The following DGKQ variants were observed in gnomAD, a reference collection of about 807,000 sequenced individuals.
The protein encoded by DGKQ is DAG kinase theta.
In DGKQ, 97 loss-of-function variants were observed where a neutral mutation model predicts 104.2. The observed-to-expected ratio is 0.93, with a 90% CI of 0.79 to 1.10. The LOEUF (loss-of-function observed/expected upper bound fraction) is 1.10. Ranked by LOEUF, DGKQ falls within the 50% of genes least tolerant of loss-of-function variation. DGKQ has a pLI of 0.00. For synonymous variants in DGKQ, 736 were observed against 595.2 expected (o/e 1.24, Z -3.44); for missense variants, 1,465 against 1,352.1 (o/e 1.08, Z -1.31).
intron 2 of DGKQ, among the ~76,000 whole-genome samples, 169 bp downstream of exon 2, chr4:970,824 C>T (rs1232492317): frequency 6.6e-6 from 1 of 152,216 alleles, no homozygotes; most frequent in Non-Finnish European, 1.5e-5. Context: ...TCATTCCCTG[C>T]AGATCCATGC....
In DGKQ at chr4:967,009, C is replaced by T. The variant is rs189883121; in HGVS notation, c.1266G>A (p.Thr422=). ...GGACCTCCAGCACCACAGAGCGGGC[C>T]GTGCTCTTCGGGGTCACTCGCACGG... The part of the protein sequence containing the change: ...YVSVRVTPKS[T]ARSVVLEVLP... Residue 422 remains threonine, a synonymous_variant, in exon 10 of 23, where the codon ACG becomes ACA. Coordinates refer to ENST00000273814, the MANE Select transcript of DGKQ (RefSeq NM_001347.4). 304 of 1,564,936 alleles carry T rather than the reference C, an allele frequency of 1.9e-4. 2 individuals are homozygous for T. In the East Asian group the frequency reaches 5.7e-3, roughly 29 times the overall value.
At position 966,733 on chromosome 4, in the gene DGKQ, G is replaced by T; in HGVS notation, c.1366+15C>A. ...GTGCAGGGACCGCCACGCCCAGCAC[G>T]GGCTGTCTACTCACCGTGCCTGCAG... On this transcript the variant is annotated intron_variant, in intron 11 of 22. Transcript: ENST00000273814. 1 of 1,603,824 alleles carries T rather than the reference G, an allele frequency of 6.2e-7. No individual in the cohort carries two copies. The highest frequency in any genetic ancestry group is 8.5e-7 in the Non-Finnish European group (1 of 1,175,676).
chr4:968,488 G>C lies in DGKQ; in HGVS notation c.528C>G (p.His176Gln). The C allele has an allele frequency of 6.2e-7, 1 of 1,606,426 alleles. No homozygotes were observed. The highest frequency in any genetic ancestry group is 8.5e-7 in the Non-Finnish European group (1 of 1,177,084). Residue 176 changes from histidine (H) to glutamine (Q), a missense_variant, in exon 4 of 23, where the codon CAC becomes CAG. Transcript: ENST00000273814. The stretch of plus-strand genomic sequence containing the variant: ...GGGCCGGTACACTCACGTGATCCTG[G>C]TGCCCATCCTGGTGGCACTGGCGGC... ...SDCRQCHQDG[H>Q]QDHDTHHHHW...
At chr4:969,404 A>G (rs768449236) in intron 2 of DGKQ, among the ~76,000 whole-genome samples, 2 of 152,334 alleles carry the variant, frequency 1.3e-5, no homozygotes, top group African/African-American at 4.8e-5. Flanking sequence ...ACGAGTGTGG[A>G]CCAATGTTTC....
intron 1 of DGKQ, among the ~76,000 whole-genome samples, chr4:972,998 A>T (rs1470156104): frequency 6.6e-6 from 1 of 152,050 alleles, no homozygotes; most frequent in Non-Finnish European, 1.5e-5. Context: ...CACTATGGAG[A>T]TGCTGTCCGC....
chr4:969,482 C>T (rs1049848342), intron 2 of DGKQ, among the ~76,000 whole-genome samples: 1 of 152,262 alleles, frequency 6.6e-6, no homozygotes, highest in African/African-American at 2.4e-5. Context: ...GTCTTCACTC[C>T]TGACTCTCGC....
At chr4:961,635 C>A (rs1711895492) in intron 20 of DGKQ, 53 bp downstream of exon 20, 1 of 1,610,722 alleles carries the variant, frequency 6.2e-7, no homozygotes, top group South Asian at 1.1e-5. Flanking sequence ...GAGGGCTGAG[C>A]CTGCCCATGG....
At chr4:962,376 C>A in intron 18 of DGKQ, 59 bp downstream of exon 18, 1 of 1,468,316 alleles carries the variant, frequency 6.8e-7, no homozygotes, top group South Asian at 1.3e-5. Flanking sequence ...CGTTGTGACG[C>A]GTGTAGCGGG....
rs200558303 is a variant in DGKQ at position 962,920 on chromosome 4, C to T, written c.1887G>A (p.Gly629=). ...FDLTNGGPLP[G]LHLFSQVPCF... ...AGGGCACCTGGGAGAACAGGTGGAG[C>T]CTAGCGGGAGACAGGAAGTGTCCTC... Residue 629 remains glycine (G), a splice_region_variant and synonymous_variant, in exon 17 of 23, where the codon GGG becomes GGA. Coordinates refer to ENST00000273814, the MANE Select transcript of DGKQ (RefSeq NM_001347.4). 6.2e-7 allele frequency: 1 copy of T among 1,606,704 alleles called. No individual in the cohort carries two copies. The highest frequency in any genetic ancestry group is 1.3e-5 in the African/African-American group (1 of 74,940).
rs145363420 is a variant in DGKQ at position 968,890 on chromosome 4, G to A, written c.372C>T (p.Phe124=). The A allele has an allele frequency of 3.8e-5, 61 of 1,598,468 alleles. No individual in the cohort carries two copies. The highest frequency in any genetic ancestry group is 1.5e-4 in the African/African-American group (11 of 74,614). Residue 124 remains phenylalanine, a synonymous_variant, in exon 3 of 23, where the codon TTC becomes TTT. Transcript: ENST00000273814. ...TGCGCTTGTGGAGCCCCCGGGGGCC[G>A]AAGCAGTGGGCTACAGGAACCTGGT... ...SLVRVPVAHC[F]GPRGLHKRKF... is the part of the protein sequence containing the mutation.
chr4:965,328 C>T, intron 14 of DGKQ, 37 bp from the exon 15 acceptor site: 1 of 1,592,020 alleles, frequency 6.3e-7, no homozygotes, highest in South Asian at 1.1e-5. Flanking sequence ...GGAGCCTGTC[C>T]CATGGCCCCC....
At position 973,542 on chromosome 4, in the gene DGKQ, T is replaced by C; in HGVS notation, c.-60A>G. ...GCGCCGGGGGTACAGGAGCCGCCGC[T>C]CCACGGCCCGGTACACTGCTTCCGA... is the stretch of plus-strand genomic sequence containing the variant. On this transcript the variant is annotated 5_prime_UTR_variant, in exon 1 of 23. Transcript: ENST00000273814. 1 of 980,188 alleles carries C rather than the reference T, an allele frequency of 1.0e-6. No homozygotes were observed. Among genetic ancestry groups the C allele is most frequent in the Non-Finnish European group, 1.2e-6 (1 of 826,824 alleles). The allele number at this position is 980,188 out of a possible 1,614,324, so 60.7% of individuals were successfully genotyped here.
rs1037699364 is a variant in DGKQ, at chr4:970,948, C to T, written c.351+45G>A. ...TGCCTCGACCCTACGAGAGCTGACA[C>T]ATCCCCCAGCCTCTTGCAGGTGCAA... is the stretch of plus-strand genomic sequence containing the variant. On this transcript the variant is annotated intron_variant, in intron 2 of 22. Transcript: ENST00000273814. 7 of 1,459,254 alleles carry T rather than the reference C, an allele frequency of 4.8e-6. No homozygotes were observed. The African/African-American group carries it at 8.4e-5, about 18-fold the overall frequency. The allele number at this position is 1,459,254 out of a possible 1,614,324, so 90.4% of individuals were successfully genotyped here.
intron 3 of DGKQ, 54 bp downstream of exon 3, chr4:968,757 C>G (rs1316867700): frequency 1.3e-6 from 2 of 1,533,940 alleles, no homozygotes; most frequent in East Asian, 4.7e-5. Flanking sequence ...GCTGGGCCAC[C>G]CTGGGCAGCA....
At chr4:965,106 C>G (rs1354871710) in intron 15 of DGKQ, 70 bp downstream of exon 15, 2 of 1,272,138 alleles carry the variant, frequency 1.6e-6, no homozygotes, top group Non-Finnish European at 2.3e-6. Flanking sequence ...GGCCTGTGCA[C>G]CTGCAGACCC....
In DGKQ at chr4:967,552, C is replaced by A. The variant is rs776779248; in HGVS notation, c.984G>T (p.Val328=). ...CCTCCCCCAGCCTCCCCCTTACCAG[C>A]ACCTCCTCGGCACCGGCCAGGCGGG... ...TVSRLAGAEE[V]LEAALRAHHI... Residue 328 remains valine (V), a synonymous_variant, in exon 8 of 23, where the codon GTG becomes GTT. Coordinates refer to ENST00000273814, the MANE Select transcript of DGKQ (RefSeq NM_001347.4). The A allele has an allele frequency of 1.9e-5, 31 of 1,612,156 alleles. No homozygotes were observed. Among genetic ancestry groups the A allele is most frequent in the Admixed American group, 3.3e-5 (2 of 59,978 alleles).
chr4:973,213 G>C lies in DGKQ; in HGVS notation c.270C>G (p.Asp90Glu). 2 of 1,554,682 alleles carry C rather than the reference G, an allele frequency of 1.3e-6. No individual in the cohort carries two copies. Among genetic ancestry groups the C allele is most frequent in the Non-Finnish European group, 1.7e-6 (2 of 1,153,370 alleles). Residue 90 changes from aspartate to glutamate, a missense_variant and splice_region_variant, in exon 1 of 23, where the codon GAC (aspartate) becomes GAG (glutamate). Transcript: ENST00000273814. Reference protein sequence around the residue: ...FIWGLAGFLCDVCNFMSHEKC... With the variant: ...FIWGLAGFLCEVCNFMSHEKC... ...TAGGCATCGGGCCCGGGCGCTCACC[G>C]TCGCACAGGAAGCCGGCCAGCCCCC...
chr4:965,308 G>A lies in DGKQ; in HGVS notation c.1619-17C>T, dbSNP rs1712219859. On this transcript the variant is annotated splice_polypyrimidine_tract_variant and intron_variant, in intron 14 of 22. Transcript: ENST00000273814. ...CTACCGCGCCTGCGGCAGGAGCCCA[G>A]GACTCAGGGGGAGCCTGTCCCATGG... 1 of 1,608,210 alleles carries A rather than the reference G, an allele frequency of 6.2e-7. No homozygotes were observed. Among genetic ancestry groups the A allele is most frequent in the African/African-American group, 1.3e-5 (1 of 74,796 alleles).
At chr4:972,655 G>C (rs940881587) in intron 1 of DGKQ, among the ~76,000 whole-genome samples, 3 of 152,162 alleles carry the variant, frequency 2.0e-5, no homozygotes, top group African/African-American at 7.2e-5. Context: ...TAGTCCCCGG[G>C]GCCCGCCTGC....
Sources: allele counts gnomAD v4.1 joint callset (sites outside exome capture counted in the v4.1 genomes callset), GRCh38; gene constraint gnomAD v4.1.1; transcripts MANE v1.5; gene names NCBI Gene and HGNC (gene_info 2026-07-23, HGNC 2026-07-21).